Variants in R3HDM4 observed in about 807,000 individuals in gnomAD.
The protein encoded by R3HDM4 is R3H domain containing 4, also known as R3H domain-containing protein 4.
A neutral mutation model predicts 31.3 loss-of-function variants in R3HDM4; 30 were observed. The ratio of observed to expected loss-of-function variants is 0.96; its 90% CI spans 0.72 to 1.30. The LOEUF is 1.30. Among genes scored for constraint, R3HDM4 ranks in the 50% most tolerant of loss-of-function variants. The probability of loss-of-function intolerance (pLI) is 0.00; values close to 1 mark genes in which losing one functional copy is unlikely to be tolerated. For missense variants in R3HDM4, 444 were observed against 366.1 expected, an observed-to-expected ratio of 1.21 and a Z score of -1.74; for synonymous variants, 196 against 156.6, an observed-to-expected ratio of 1.25 and a Z score of -1.88.
At chr19:905,294 C>T (rs950882893) in intron 1 of R3HDM4, among the ~76,000 whole-genome samples, 6 of 151,702 alleles carry the variant, frequency 4.0e-5, no homozygotes, top group Admixed American at 2.0e-4. Flanking sequence ...GTCGGGAGTT[C>T]GAGACCATCC....
In R3HDM4 at chr19:907,274, C is replaced by T. The variant is rs1359095587; in HGVS notation, c.72-5144G>A. The stretch of plus-strand genomic sequence containing the variant: ...GGAATACAGGGTCATGTTAAGCCAG[C>T]GTCTCTGAAGCTGGATCAGCCTGAA... On this transcript the variant is annotated intron_variant, in intron 1 of 7. Transcript: ENST00000361574. This position sits in a 1 kb window ranked among gnomAD's most constrained non-coding sequence, Gnocchi z 4.1. 6.6e-6 allele frequency among the ~76,000 whole-genome samples: 1 copy of T among 152,188 alleles called. No homozygotes were observed. Among genetic ancestry groups the T allele is most frequent in the Non-Finnish European group, 1.5e-5 (1 of 68,028 alleles).
In R3HDM4 at chr19:897,439, A is replaced by G; in HGVS notation, c.805T>C (p.Ter269ArgextTer29). 1 of 1,605,112 alleles carries G rather than the reference A, an allele frequency of 6.2e-7. No homozygotes were observed. The highest frequency in any genetic ancestry group is 8.5e-7 in the Non-Finnish European group (1 of 1,176,090). The change falls in exon 8 of 8, where the codon TGA (stop) becomes CGA (arginine). Residue 269 changes from the stop codon to arginine (R), a stop_lost. Coordinates refer to ENST00000361574, the MANE Select transcript of R3HDM4 (RefSeq NM_138774.4). ...GCGGGGTCTCCGCGGGGCCGCCATC[A>G]GCTGTGCTGCTCCAGGTAGGCGGAC... ...LLSAYLEQHS[*>R]
intron 1 of R3HDM4, among the ~76,000 whole-genome samples, chr19:905,750 G>A (rs1161394947): frequency 1.3e-5 from 2 of 151,484 alleles, no homozygotes; most frequent in African/African-American, 2.4e-5. Context: ...GGAAGGGGAC[G>A]GGCAGATAAA....
At chr19:900,201 C>T (rs1434510162) in intron 4 of R3HDM4, 55 bp from the exon 5 acceptor site, 12 of 1,429,642 alleles carry the variant, frequency 8.4e-6, no homozygotes, top group Non-Finnish European at 1.0e-5. Context: ...TGGCCCTGCC[C>T]ACCTGCCAGA....
chr19:899,373 T>C lies in R3HDM4; in HGVS notation c.703+67A>G, dbSNP rs1253085007. 1.5e-6 allele frequency: 2 copies of C among 1,366,196 alleles called. No homozygotes were observed. The highest frequency in any genetic ancestry group is 2.0e-6 in the Non-Finnish European group (2 of 988,804). The allele number at this position is 1,366,196 out of a possible 1,614,324, so 84.6% of individuals were successfully genotyped here. A position where few individuals can be genotyped will look rare whatever the true frequency, so the allele number is the denominator to read the frequency against. On this transcript the variant is annotated intron_variant, in intron 7 of 7. Coordinates refer to ENST00000361574, the MANE Select transcript of R3HDM4 (RefSeq NM_138774.4). This position sits in a 1 kb window ranked among gnomAD's most constrained non-coding sequence, Gnocchi z 6.8. ...GCCCCACTCTGAGGAACCAGGCCCC[T>C]GGGACCCTGGCCACTTTCCCAGGTT...
rs371249747 is a variant in R3HDM4 at position 900,825 on chromosome 19, G to A, written c.475+4C>T. ...ACCCATACCCGCCCCAGCCAGGCCC[G>A]CACCTCTCCTCCGGTCCTCCCCACG... On this transcript the variant is annotated splice_donor_region_variant and intron_variant, in intron 4 of 7. Transcript: ENST00000361574. 59 of 677,210 alleles carry A rather than the reference G, an allele frequency of 8.7e-5. No homozygotes were observed. Among genetic ancestry groups the A allele is most frequent in the Non-Finnish European group, 1.2e-4 (53 of 431,712 alleles). 42.0% of individuals were successfully genotyped at this position (677,210 alleles called of 1,614,324 possible).
chr19:901,354 G>T, intron 3 of R3HDM4, 68 bp downstream of exon 3: 1 of 1,528,102 alleles, frequency 6.5e-7, no homozygotes. Flanking sequence ...GGGCACAGGC[G>T]ATGGCCTGGC....
intron 1 of R3HDM4, among the ~76,000 whole-genome samples, chr19:912,094 G>A (rs1411728578): frequency 2.4e-3 from 35 of 14,602 alleles, no homozygotes; most frequent in African/African-American, 0.011. Flanking sequence ...CGCGGCCCCG[G>A]GGAGGTGGGG....
Position 912,721 on chromosome 19 carries a change from G to A in R3HDM4, c.71+366C>T, listed in dbSNP as rs1271956890. Among the ~76,000 whole-genome samples the A allele has an allele frequency of 2.9e-5, 4 of 136,310 alleles. No homozygotes were observed. In the East Asian group the frequency reaches 9.2e-4, roughly 31 times the overall value. The allele number at this position is 136,310 out of a possible 152,430, so 89.4% of individuals were successfully genotyped here. A position where few individuals can be genotyped will look rare whatever the true frequency, so the allele number is the denominator to read the frequency against. Reference sequence around the variant, plus strand: ...GGGAATGGAGGCGCGGACCAGTGCAGTGGGGGGGCGGACCGGGGAGTGGGG... The same window carrying A: ...GGGAATGGAGGCGCGGACCAGTGCAATGGGGGGGCGGACCGGGGAGTGGGG... On this transcript the variant is annotated intron_variant, in intron 1 of 7. Coordinates refer to ENST00000361574, the MANE Select transcript of R3HDM4 (RefSeq NM_138774.4).
At chr19:903,924 A>C (rs960379882) in intron 1 of R3HDM4, among the ~76,000 whole-genome samples, 1 of 151,962 alleles carries the variant, frequency 6.6e-6, no homozygotes, top group Non-Finnish European at 1.5e-5. Flanking sequence ...GGTGGTGGGC[A>C]CCTGTAATCC....
chr19:903,649 G>A (rs2036865981), intron 1 of R3HDM4, among the ~76,000 whole-genome samples: 1 of 152,190 alleles, frequency 6.6e-6, no homozygotes, highest in East Asian at 1.9e-4. Flanking sequence ...CAGCACTTTG[G>A]GAGCCCAAGG....
intron 7 of R3HDM4, among the ~76,000 whole-genome samples, chr19:898,324 G>C (rs1204343673): frequency 6.7e-6 from 1 of 149,382 alleles, no homozygotes; most frequent in African/African-American, 2.5e-5. Context: ...AGAATGGCGT[G>C]AACCCGGGAG....
chr19:907,098 A>G lies in R3HDM4; in HGVS notation c.72-4968T>C, dbSNP rs2145299013. Among the ~76,000 whole-genome samples, 2 of 152,278 alleles carry G rather than the reference A, an allele frequency of 1.3e-5. No individual in the cohort carries two copies. The highest frequency in any genetic ancestry group is 2.9e-5 in the Non-Finnish European group (2 of 68,002). On this transcript the variant is annotated intron_variant, in intron 1 of 7. Transcript: ENST00000361574. The surrounding 1 kb of genome is among the most constrained non-coding windows in gnomAD (Gnocchi z 4.1). The stretch of plus-strand genomic sequence containing the variant: ...CCAAAGTGCTGGGATTACAGGCATG[A>G]GCTACCACGCCCGGCCCTCATTATA...
intron 1 of R3HDM4, among the ~76,000 whole-genome samples, chr19:902,931 G>A (rs1314536477): frequency 1.3e-5 from 2 of 152,070 alleles, no homozygotes; most frequent in Non-Finnish European, 2.9e-5. Context: ...GACGGAGTGA[G>A]ACCTTGTCTC....
chr19:911,078 C>G (rs989432383), intron 1 of R3HDM4, among the ~76,000 whole-genome samples: 10 of 151,326 alleles, frequency 6.6e-5, no homozygotes, highest in Admixed American at 2.6e-4. Flanking sequence ...CCGAGATCGC[C>G]CCACTGCACT....
At chr19:911,041 A>C (rs1365724558) in intron 1 of R3HDM4, among the ~76,000 whole-genome samples, 1 of 152,100 alleles carries the variant, frequency 6.6e-6, no homozygotes, top group Non-Finnish European at 1.5e-5. Flanking sequence ...GAATGGCGTG[A>C]ACCCAGGAGG....
At chr19:903,249 C>T (rs971297932) in intron 1 of R3HDM4, among the ~76,000 whole-genome samples, 2 of 151,102 alleles carry the variant, frequency 1.3e-5, no homozygotes, top group African/African-American at 4.9e-5. Flanking sequence ...AAACCCCCCC[C>T]TTAATGTCCC....
chr19:907,017 T>C lies in R3HDM4; in HGVS notation c.72-4887A>G, dbSNP rs1348222440. On this transcript the variant is annotated intron_variant, in intron 1 of 7. Transcript: ENST00000361574. The surrounding 1 kb of genome is among the most constrained non-coding windows in gnomAD (Gnocchi z 4.1). Reference sequence around the variant, plus strand: ...TTTCAGTAGAGACGGGGTTTCACCATGTTGGCAGGCTGGTCTTGAACTCCT... The same window carrying C: ...TTTCAGTAGAGACGGGGTTTCACCACGTTGGCAGGCTGGTCTTGAACTCCT... Among the ~76,000 whole-genome samples the C allele has an allele frequency of 3.3e-5, 5 of 151,982 alleles. No homozygotes were observed. Among genetic ancestry groups the C allele is most frequent in the Admixed American group, 6.6e-5 (1 of 15,252 alleles).
chr19:900,090 C>T lies in R3HDM4; in HGVS notation c.532G>A (p.Ala178Thr), dbSNP rs940377542. 4.3e-6 allele frequency: 7 copies of T among 1,609,588 alleles called. No homozygotes were observed. The African/African-American group carries it at 8.0e-5, about 18-fold the overall frequency. ...CFQRISRRLR[A>T]VLKRSRIPME... ...GGGATGCGGCTGCGCTTGAGGACGG[C>T]TCGCAGACGCCGGCTGATGCGCTGG... is the stretch of plus-strand genomic sequence containing the variant. Residue 178 changes from alanine to threonine, a missense_variant, in exon 5 of 8, where the codon GCC (alanine) becomes ACC (threonine). Transcript: ENST00000361574.
Sources: gnomAD v4.1 joint callset for allele counts (sites outside exome capture counted in the v4.1 genomes callset) on GRCh38, gnomAD v4.1.1 for gene constraint, Gnocchi (gnomAD v3.1) non-coding constraint, MANE v1.5 for transcripts, NCBI Gene and HGNC (gene_info 2026-07-23, HGNC 2026-07-21) for gene names.